Variants in CA10 observed in about 807,000 individuals in gnomAD.
The protein encoded by CA10 is carbonic anhydrase 10 (inactive).
Under a neutral mutation model 44.2 loss-of-function variants are expected in CA10, and 14 were observed. The ratio of observed to expected loss-of-function variants is 0.32; its 90% CI spans 0.21 to 0.50. CA10 has a LOEUF of 0.50. Ranked by LOEUF, CA10 falls within the 20% of genes least tolerant of loss-of-function variation. CA10 has a pLI of 0.99. For missense variants in CA10, 350 were observed against 409.7 expected (o/e 0.85, Z 1.26); for synonymous variants, 159 against 141.6 (o/e 1.12, Z -0.87).
At chr17:51,738,985 G>C (rs191897464) in intron 4 of CA10, among the ~76,000 whole-genome samples, 4 of 152,168 alleles carry the variant, frequency 2.6e-5, no homozygotes, top group Non-Finnish European at 2.9e-5. Flanking sequence ...GTACACACAG[G>C]GGGTATGCTG....
intron 2 of CA10, among the ~76,000 whole-genome samples, chr17:51,976,697 A>T (rs1984475603): frequency 6.6e-6 from 1 of 152,060 alleles, no homozygotes; most frequent in Admixed American, 6.6e-5. Flanking sequence ...TCTTAAGAAG[A>T]TAAAATAAAA....
At chr17:51,991,504 G>A (rs1050897133) in intron 2 of CA10, among the ~76,000 whole-genome samples, 3 of 152,070 alleles carry the variant, frequency 2.0e-5, no homozygotes, top group African/African-American at 7.2e-5. Context: ...GAATAAACAG[G>A]TGCTTAATAA....
intron 4 of CA10, among the ~76,000 whole-genome samples, chr17:51,695,330 G>GC (rs1555585749): frequency 6.6e-6 from 1 of 152,088 alleles, no homozygotes; most frequent in Non-Finnish European, 1.5e-5. Flanking sequence ...TTCTTTCACA[G>GC]TTTTTGTTTT....
At chr17:52,006,663 C>T (rs1454401388) in intron 2 of CA10, among the ~76,000 whole-genome samples, 1 of 151,798 alleles carries the variant, frequency 6.6e-6, no homozygotes, top group Non-Finnish European at 1.5e-5. Flanking sequence ...TAAATGTAAT[C>T]ATATAGTATT....
At chr17:52,051,634 A>G (rs1004144653) in intron 2 of CA10, among the ~76,000 whole-genome samples, 5 of 152,136 alleles carry the variant, frequency 3.3e-5, no homozygotes, top group African/African-American at 1.2e-4. Flanking sequence ...AAGTCAAAAT[A>G]TAACATATGC....
chr17:51,754,965 T>A (rs1475848810), intron 3 of CA10, among the ~76,000 whole-genome samples: 1 of 151,830 alleles, frequency 6.6e-6, no homozygotes, highest in African/African-American at 2.4e-5. Context: ...TCTGTATATA[T>A]TATATATACA....
rs1598104844 is a variant in CA10, at chr17:51,894,698, C to T, written c.279+36292G>A. The stretch of plus-strand genomic sequence containing the variant: ...AGCCCTATGAAATCCATTTCAGATT[C>T]TGACCTCTAAAAAATTAAAATAATG... On this transcript the variant is annotated intron_variant, in intron 3 of 8. Coordinates refer to ENST00000451037, the MANE Select transcript of CA10 (RefSeq NM_020178.5). Among the ~76,000 whole-genome samples the T allele has an allele frequency of 2.0e-5, 3 of 152,194 alleles. No homozygotes were observed. The South Asian group carries it at 6.2e-4, about 32-fold the overall frequency.
At chr17:51,864,472 C>T (rs1979457031) in intron 3 of CA10, among the ~76,000 whole-genome samples, 1 of 152,172 alleles carries the variant, frequency 6.6e-6, no homozygotes. Context: ...GCCCTCACAT[C>T]TCTTGTTCTA....
intron 2 of CA10, among the ~76,000 whole-genome samples, chr17:52,010,510 G>A (rs1469462474): frequency 6.6e-6 from 1 of 151,896 alleles, no homozygotes; most frequent in African/African-American, 2.4e-5. Flanking sequence ...AATCTAAGGG[G>A]AGTAACCTAG....
intron 2 of CA10, among the ~76,000 whole-genome samples, chr17:52,027,550 C>T (rs772598360): frequency 1.9e-4 from 29 of 152,042 alleles, no homozygotes; most frequent in African/African-American, 6.3e-4. Flanking sequence ...TGGGGAAAGA[C>T]GACATGCACA....
chr17:51,714,238 C>T (rs1213361673), intron 4 of CA10, among the ~76,000 whole-genome samples: 1 of 152,100 alleles, frequency 6.6e-6, no homozygotes, highest in Non-Finnish European at 1.5e-5. Flanking sequence ...GAGGCAAAGT[C>T]TCATAGGGGA....
chr17:51,915,966 T>C (rs200476584), intron 3 of CA10, among the ~76,000 whole-genome samples: 1 of 144,196 alleles, frequency 6.9e-6, no homozygotes, highest in Non-Finnish European at 1.5e-5. Context: ...AGATTTTGGT[T>C]AAAAAAAAAA....
chr17:52,127,354 G>A (rs1989141306), intron 1 of CA10, among the ~76,000 whole-genome samples: 1 of 149,142 alleles, frequency 6.7e-6, no homozygotes. Flanking sequence ...CCCCATTTCT[G>A]GTGGGTGGGC....
intron 1 of CA10, among the ~76,000 whole-genome samples, chr17:52,113,284 C>T (rs761494205): frequency 6.6e-6 from 1 of 152,136 alleles, no homozygotes; most frequent in Non-Finnish European, 1.5e-5. Flanking sequence ...AAAAACCCAC[C>T]TTTTTGAGAA....
intron 6 of CA10, among the ~76,000 whole-genome samples, chr17:51,638,362 G>C (rs555772737): frequency 6.6e-6 from 1 of 152,192 alleles, no homozygotes; most frequent in Non-Finnish European, 1.5e-5. Context: ...CCAACCCTAG[G>C]AGGAAGGACT....
chr17:51,768,432 G>C (rs75654705), intron 3 of CA10, among the ~76,000 whole-genome samples: 4,363 of 152,250 alleles, frequency 0.029, 170 homozygotes, highest in African/African-American at 0.093. Context: ...CAATAAATAA[G>C]ACATTCCATC....
At position 51,935,950 on chromosome 17, in the gene CA10, C is replaced by T. The variant is rs182173496; in HGVS notation, c.137-4818G>A. ...CTTCTTTGTCCTAGAGAAGGTGTTCCGAAGTTAGATTGTGCTTTTAGGCAT... is the reference window on the plus strand; with the variant it reads ...CTTCTTTGTCCTAGAGAAGGTGTTCTGAAGTTAGATTGTGCTTTTAGGCAT... On this transcript the variant is annotated intron_variant, in intron 2 of 8. Coordinates refer to ENST00000451037, the MANE Select transcript of CA10 (RefSeq NM_020178.5). Among the ~76,000 whole-genome samples, 306 of 152,194 alleles carry T rather than the reference C, an allele frequency of 2.0e-3. 1 individual carries two copies. The highest frequency in any genetic ancestry group is 7.0e-3 in the African/African-American group (292 of 41,556).
At chr17:52,014,840 C>T (rs537251816) in intron 2 of CA10, among the ~76,000 whole-genome samples, 12 of 151,992 alleles carry the variant, frequency 7.9e-5, no homozygotes, top group South Asian at 2.1e-4. Context: ...CAGAGAAATG[C>T]GTATTTGAAA....
intron 2 of CA10, among the ~76,000 whole-genome samples, chr17:52,026,696 T>C (rs535264411): frequency 1.2e-4 from 19 of 152,214 alleles, no homozygotes; most frequent in African/African-American, 4.6e-4. Flanking sequence ...AAAAGCCCTT[T>C]ATAAAACCCT....
Sources: allele counts gnomAD v4.1 joint callset (sites outside exome capture counted in the v4.1 genomes callset), GRCh38; gene constraint gnomAD v4.1.1; transcripts MANE v1.5; gene names NCBI Gene and HGNC (gene_info 2026-07-23, HGNC 2026-07-21).